SPATA6: variants seen among roughly 807,000 people sequenced by gnomAD.
SPATA6 encodes spermatogenesis-associated protein 6.
In SPATA6, 56 loss-of-function variants were observed where a neutral mutation model predicts 65.3. The ratio of observed to expected loss-of-function variants is 0.86; its 90% CI spans 0.69 to 1.07. The LOEUF is 1.07. Ranked by LOEUF, SPATA6 falls within the 50% of genes least tolerant of loss-of-function variation. The probability of loss-of-function intolerance (pLI) is 0.00; values close to 1 mark genes in which losing one functional copy is unlikely to be tolerated. For missense variants in SPATA6, 590 were observed against 594.8 expected, an observed-to-expected ratio of 0.99 and a Z score of 0.08; for synonymous variants, 199 against 213.2, an observed-to-expected ratio of 0.93 and a Z score of 0.58.
At chr1:48,442,983 C>T (rs1655666853) in intron 3 of SPATA6, among the ~76,000 whole-genome samples, 1 of 152,178 alleles carries the variant, frequency 6.6e-6, no homozygotes, top group African/African-American at 2.4e-5. Flanking sequence ...AAAAGTCCAA[C>T]CAGACCTAGA....
intron 11 of SPATA6, among the ~76,000 whole-genome samples, chr1:48,342,814 T>A (rs894484433): frequency 6.6e-6 from 1 of 152,036 alleles, no homozygotes; most frequent in African/African-American, 2.4e-5. Flanking sequence ...TGAAAACTCA[T>A]TGTGCAATAT....
In SPATA6 at chr1:48,471,966, T is replaced by C. The variant is rs1658294272; in HGVS notation, c.43A>G (p.Ile15Val). 1 of 1,604,122 alleles carries C rather than the reference T, an allele frequency of 6.2e-7. No homozygotes were observed. Among genetic ancestry groups the C allele is most frequent in the Non-Finnish European group, 8.5e-7 (1 of 1,176,820 alleles). ...KALQCALALE[I>V]SSVTCPGVVL... is the part of the protein sequence containing the mutation. ...GCGCTACCGGTACTCACTGAGCTGA[T>C]CTCCAGCGCCAGGGCGCACTGCAGC... Residue 15 changes from isoleucine to valine, a missense_variant, in exon 1 of 13, where the codon ATC becomes GTC. By Grantham distance (29) the Ile-to-Val change is conservative. Transcript: ENST00000371847.
chr1:48,413,407 A>G (rs1002662625), intron 3 of SPATA6, among the ~76,000 whole-genome samples: 4 of 149,592 alleles, frequency 2.7e-5, no homozygotes, highest in African/African-American at 9.8e-5. Context: ...CCCCTGCCTC[A>G]GCCTCCCGAG....
At chr1:48,404,623 A>G (rs1472594596) in intron 5 of SPATA6, among the ~76,000 whole-genome samples, 1 of 152,154 alleles carries the variant, frequency 6.6e-6, no homozygotes, top group Non-Finnish European at 1.5e-5. Flanking sequence ...AATTACAGGC[A>G]TGAGCCACTG....
intron 8 of SPATA6, among the ~76,000 whole-genome samples, chr1:48,387,413 G>A (rs1649590144): frequency 6.6e-6 from 1 of 152,184 alleles, no homozygotes; most frequent in South Asian, 2.1e-4. Context: ...CAGCACTGGG[G>A]CTGAGGCATA....
intron 1 of SPATA6, among the ~76,000 whole-genome samples, chr1:48,465,619 T>A (rs1366769139): frequency 6.6e-6 from 1 of 152,188 alleles, no homozygotes; most frequent in African/African-American, 2.4e-5. Context: ...TACATATTTC[T>A]AACATGTAAA....
At position 48,441,082 on chromosome 1, in the gene SPATA6, G is replaced by A. The variant is rs1004691791; in HGVS notation, c.238+10470C>T. Among the ~76,000 whole-genome samples the A allele has an allele frequency of 3.3e-5, 5 of 152,128 alleles. No individual in the cohort carries two copies. In the South Asian group the frequency reaches 1.0e-3, roughly 32 times the overall value. On this transcript the variant is annotated intron_variant, in intron 3 of 12. Transcript: ENST00000371847. ...CAACAAGAAACAAGCTGCCCACCCT[G>A]CCATGTCCACTACACCAAGGCAATC...
intron 9 of SPATA6, among the ~76,000 whole-genome samples, chr1:48,362,617 A>G (rs934034078): frequency 6.6e-6 from 1 of 152,184 alleles, no homozygotes; most frequent in Non-Finnish European, 1.5e-5. Context: ...AAATGACAAT[A>G]AGATATGCTG....
chr1:48,318,378 C>A lies in SPATA6; in HGVS notation c.1195-12500G>T, dbSNP rs1645501714. 2.0e-5 allele frequency among the ~76,000 whole-genome samples: 3 copies of A among 152,008 alleles called. No homozygotes were observed. In the South Asian group the frequency reaches 6.2e-4, roughly 32 times the overall value. On this transcript the variant is annotated intron_variant, in intron 11 of 12. Transcript: ENST00000371847. ...AAGATGATTCTGTATTTTAAAAATT[C>A]CACACAAATACACAAAATAACTATT...
At chr1:48,346,699 A>G (rs2148780930) in intron 11 of SPATA6, among the ~76,000 whole-genome samples, 1 of 152,096 alleles carries the variant, frequency 6.6e-6, no homozygotes. Flanking sequence ...CAAGTCAGGA[A>G]TATAATACCC....
chr1:48,436,817 C>T (rs1654983983), intron 3 of SPATA6: 1 of 1,613,640 alleles, frequency 6.2e-7, no homozygotes, highest in African/African-American at 1.3e-5. Flanking sequence ...CTGAAAGGTC[C>T]TCCTTATAGC....
rs1325335589 is a variant in SPATA6, at chr1:48,453,103, T to A, written c.80A>T (p.Asp27Val). ...GATGCTAAGATAGATGTCCTCTTTG[T>A]CTTTAAGCACGACTCCTGGGCAAGT... is the stretch of plus-strand genomic sequence containing the variant. ...SVTCPGVVLK[D>V]KEDIYLSICV... The change falls in exon 2 of 13, where the codon GAC becomes GTC. Residue 27 changes from aspartate to valine, a missense_variant. Physicochemically the swap from Asp to Val is radical, Grantham distance 152. Transcript: ENST00000371847. The A allele has an allele frequency of 2.5e-6, 4 of 1,613,298 alleles. No individual in the cohort carries two copies. The highest frequency in any genetic ancestry group is 3.3e-5 in the Admixed American group (2 of 59,798).
At chr1:48,283,829 T>C in the SPATA6 span, among the ~76,000 whole-genome samples, 1 of 152,084 alleles carries the variant, frequency 6.6e-6, no homozygotes, top group Non-Finnish European at 1.5e-5. Flanking sequence ...CCTTTGTGGG[T>C]AACCCGACCT....
chr1:48,317,040 A>C (rs1570085347), intron 11 of SPATA6, among the ~76,000 whole-genome samples: 3 of 152,210 alleles, frequency 2.0e-5, no homozygotes, highest in Admixed American at 1.3e-4. Flanking sequence ...CAGGTGCTGG[A>C]AAGATGTGAA....
chr1:48,426,152 T>C (rs1364370780), intron 3 of SPATA6, among the ~76,000 whole-genome samples: 1 of 151,718 alleles, frequency 6.6e-6, no homozygotes, highest in African/African-American at 2.4e-5. Flanking sequence ...AACAACCCAA[T>C]GGAAAAACGG....
At chr1:48,271,782 TA>T in the SPATA6 span, among the ~76,000 whole-genome samples, 6 of 152,106 alleles carry the variant, frequency 3.9e-5, no homozygotes, top group South Asian at 1.2e-3. Context: ...AGTGCTATAA[TA>T]AAGATATGTC....
chr1:48,329,224 A>G (rs1275060388), intron 11 of SPATA6, among the ~76,000 whole-genome samples: 1 of 152,224 alleles, frequency 6.6e-6, no homozygotes, highest in South Asian at 2.1e-4. Context: ...AAATTAGAAT[A>G]TATTTTGAAG....
At chr1:48,291,353 G>A (rs887364452), downstream of SPATA6, among the ~76,000 whole-genome samples, 2 of 152,194 alleles carry the variant, frequency 1.3e-5, no homozygotes, top group Non-Finnish European at 2.9e-5. Context: ...ATCATCAGGT[G>A]TGGGCAGGGT....
At chr1:48,289,040 C>A in the SPATA6 span, among the ~76,000 whole-genome samples, 1 of 152,166 alleles carries the variant, frequency 6.6e-6, no homozygotes, top group African/African-American at 2.4e-5. Flanking sequence ...AACCAACAGA[C>A]TGCCACCTCA....
Sources: allele counts gnomAD v4.1 joint callset (sites outside exome capture counted in the v4.1 genomes callset), GRCh38; gene constraint gnomAD v4.1.1; transcripts MANE v1.5; gene names NCBI Gene and HGNC (gene_info 2026-07-23, HGNC 2026-07-21).